SUGP2: variants seen among roughly 807,000 people sequenced by gnomAD.
SUGP2 encodes SURP and G-patch domain-containing protein 2.
Under a neutral mutation model 90.5 loss-of-function variants are expected in SUGP2, and 24 were observed. That is an observed-to-expected ratio of 0.27 (90% CI 0.19 to 0.37). SUGP2 has a LOEUF of 0.37. Ranked by LOEUF, SUGP2 falls within the 10% of genes least tolerant of loss-of-function variation. The probability of loss-of-function intolerance (pLI) is 1.00; values close to 1 mark genes in which losing one functional copy is unlikely to be tolerated. For missense variants in SUGP2, 1,233 were observed against 1,363.3 expected (o/e 0.90, Z 1.51); for synonymous variants, 473 against 513.4 (o/e 0.92, Z 1.06).
chr19:19,004,052 G>A, intron 7 of SUGP2, 116 bp downstream of exon 7: 1 of 771,416 alleles, frequency 1.3e-6, no homozygotes, highest in Admixed American at 2.6e-5. Flanking sequence ...TCACATTTTG[G>A]AGTGGTGCAC....
At chr19:19,001,433 A>G (rs1336757744) in intron 8 of SUGP2, among the ~76,000 whole-genome samples, 180 bp downstream of exon 8, 2 of 152,246 alleles carry the variant, frequency 1.3e-5, no homozygotes, top group Non-Finnish European at 2.9e-5. Context: ...TATGCTTTGG[A>G]CAAAGGCAAA....
At chr19:19,005,088 T>C (rs2058009857) in intron 6 of SUGP2, among the ~76,000 whole-genome samples, 1 of 152,162 alleles carries the variant, frequency 6.6e-6, no homozygotes, top group African/African-American at 2.4e-5. Context: ...ATGTGCACCA[T>C]GGAACCGTAA....
chr19:19,016,302 C>A (rs1214142263), intron 4 of SUGP2, among the ~76,000 whole-genome samples: 63 of 152,216 alleles, frequency 4.1e-4, no homozygotes, highest in Admixed American at 4.1e-3. Context: ...AGCCACCATG[C>A]CCGGCCGCTT....
chr19:19,009,131 G>A (rs1213641949), intron 5 of SUGP2, among the ~76,000 whole-genome samples: 1 of 151,950 alleles, frequency 6.6e-6, no homozygotes, highest in African/African-American at 2.4e-5. Context: ...CAGGCTGGTT[G>A]CGAACTCCTG....
chr19:19,000,405 T>C (rs1023418739), intron 8 of SUGP2, among the ~76,000 whole-genome samples: 1 of 152,206 alleles, frequency 6.6e-6, no homozygotes, highest in African/African-American at 2.4e-5. Flanking sequence ...TCCATTTCTC[T>C]TTCACTGTTG....
chr19:19,016,986 TA>T (rs1197997064), intron 4 of SUGP2, among the ~76,000 whole-genome samples: 1 of 152,150 alleles, frequency 6.6e-6, no homozygotes, highest in African/African-American at 2.4e-5. Context: ...TTCCCCTTGG[TA>T]AATCATGGTG....
chr19:19,001,697 A>C (rs1264145957), intron 7 of SUGP2, 23 bp from the exon 8 acceptor site: 11 of 1,611,328 alleles, frequency 6.8e-6, no homozygotes, highest in African/African-American at 1.3e-5. Context: ...AGAAAGAGAC[A>C]CATACACATA....
chr19:19,014,977 G>A (rs1478919283), intron 4 of SUGP2, among the ~76,000 whole-genome samples: 2 of 152,044 alleles, frequency 1.3e-5, no homozygotes, highest in Non-Finnish European at 2.9e-5. Context: ...CAAGGCAGGA[G>A]GATCATGAGG....
chr19:19,023,310 G>T lies in SUGP2; in HGVS notation c.1729+1309C>A, dbSNP rs368855602. Among the ~76,000 whole-genome samples the T allele has an allele frequency of 2.0e-5, 3 of 152,270 alleles. No individual in the cohort carries two copies. In the East Asian group the frequency reaches 5.8e-4, roughly 29 times the overall value. On this transcript the variant is annotated intron_variant, in intron 3 of 10. Transcript: ENST00000452918. ...GTGTCGCTTTAATTCTAGCACAGGGGTGACTGTTTTTTTGTTTTGGTTTAT... is the reference window on the plus strand; with the variant it reads ...GTGTCGCTTTAATTCTAGCACAGGGTTGACTGTTTTTTTGTTTTGGTTTAT...
chr19:19,001,664 T>A lies in SUGP2; in HGVS notation c.2940A>T (p.Pro980=). The part of the protein sequence containing the change: ...CLIQEPKVHE[P]VRIAYDRPRG... Reference sequence around the variant, plus strand: ...GAGGCCTGTCATAGGCAATTCGAACTGGTTCATGGACTAGAAGACAAAAGA... The same window carrying A: ...GAGGCCTGTCATAGGCAATTCGAACAGGTTCATGGACTAGAAGACAAAAGA... Residue 980 remains proline, a synonymous_variant, in exon 8 of 11, where the codon CCA becomes CCT. Coordinates refer to ENST00000452918, the MANE Select transcript of SUGP2 (RefSeq NM_001017392.5). 1.2e-6 allele frequency: 2 copies of A among 1,614,238 alleles called. No homozygotes were observed. The highest frequency in any genetic ancestry group is 1.7e-6 in the Non-Finnish European group (2 of 1,180,032).
At chr19:18,997,782 C>CAAAAAA (rs35875282) in intron 8 of SUGP2, among the ~76,000 whole-genome samples, 13 of 88,224 alleles carry the variant, frequency 1.5e-4, no homozygotes, top group Non-Finnish European at 1.8e-4. Context: ...GACTCCGTCT[C>CAAAAAA]AAAAAAAAAA....
chr19:18,997,799 A>AG (rs1294582421), intron 8 of SUGP2, among the ~76,000 whole-genome samples: 309 of 150,460 alleles, frequency 2.1e-3, no homozygotes, highest in African/African-American at 7.0e-3. Flanking sequence ...AAAAAAAAAA[A>AG]AAAAGAAAGA....
At chr19:18,995,106 G>GCCC in intron 9 of SUGP2, 38 bp downstream of exon 9, 3 of 1,584,872 alleles carry the variant, frequency 1.9e-6, no homozygotes, top group Non-Finnish European at 2.6e-6. Context: ...AAGGACTGAG[G>GCCC]CCCCACCCAC....
At chr19:19,005,844 A>AACAC (rs67270368) in intron 6 of SUGP2, among the ~76,000 whole-genome samples, 5 of 46,404 alleles carry the variant, frequency 1.1e-4, no homozygotes, top group Non-Finnish European at 1.6e-4. Flanking sequence ...CAGGCTAACA[A>AACAC]ACACACACAC....
rs138588575 is a variant in SUGP2 at position 19,031,308 on chromosome 19, C to T, written c.-11-226G>A. On this transcript the variant is annotated intron_variant, in intron 1 of 10. Transcript: ENST00000452918. The stretch of plus-strand genomic sequence containing the variant: ...CAGGACTTTGGGAGGCTGAGGTGAG[C>T]GGATCATTTAAAGTCAGGAGTTGGA... Among the ~76,000 whole-genome samples the T allele has an allele frequency of 5.6e-3, 850 of 152,038 alleles. 1 individual carries two copies. Among genetic ancestry groups the T allele is most frequent in the South Asian group, 0.01 (49 of 4,800 alleles).
intron 8 of SUGP2, among the ~76,000 whole-genome samples, chr19:18,998,576 C>T (rs1568380157): frequency 6.6e-6 from 1 of 151,862 alleles, no homozygotes; most frequent in Non-Finnish European, 1.5e-5. Context: ...TATAAAGTAG[C>T]TGTGTGTGTG....
chr19:19,020,774 G>A (rs1275897730), intron 3 of SUGP2, among the ~76,000 whole-genome samples: 1 of 151,892 alleles, frequency 6.6e-6, no homozygotes, highest in African/African-American at 2.4e-5. Context: ...CCTCCAATAT[G>A]ACTTTAAATT....
chr19:19,002,512 T>G (rs531176719), intron 7 of SUGP2, among the ~76,000 whole-genome samples: 10 of 137,380 alleles, frequency 7.3e-5, no homozygotes, highest in African/African-American at 2.7e-4. Flanking sequence ...TCTGTTTTTT[T>G]TTTTTTTTTT....
chr19:19,008,373 C>T lies in SUGP2; in HGVS notation c.2394G>A (p.Val798=). 1.2e-6 allele frequency: 2 copies of T among 1,614,158 alleles called. No homozygotes were observed. The highest frequency in any genetic ancestry group is 1.7e-4 in the Middle Eastern group (1 of 6,060). The change falls in exon 6 of 11, where the codon GTG becomes GTA. Residue 798 remains valine (V), a synonymous_variant. Transcript: ENST00000452918. ...AEKLARFVAQ[V]GPEIEQFSIE... Reference sequence around the variant, plus strand: ...TGCTGAATTGTTCGATCTCTGGTCCCACCTGAGCAACAAATCTAGCCAGTT... The same window carrying T: ...TGCTGAATTGTTCGATCTCTGGTCCTACCTGAGCAACAAATCTAGCCAGTT...
Sources: allele counts gnomAD v4.1 joint callset (sites outside exome capture counted in the v4.1 genomes callset), GRCh38; gene constraint gnomAD v4.1.1; transcripts MANE v1.5; gene names NCBI Gene and HGNC (gene_info 2026-07-23, HGNC 2026-07-21).